Variants in FBXL7 observed in about 807,000 individuals in gnomAD.
FBXL7 encodes the protein F-box and leucine rich repeat protein 7, also known as F-box/LRR-repeat protein 7.
FBXL7 carries 12 observed loss-of-function variants against 38.3 expected under a neutral mutation model. The ratio of observed to expected loss-of-function variants is 0.31; its 90% CI spans 0.20 to 0.51. The LOEUF (loss-of-function observed/expected upper bound fraction) is 0.51, where lower values mean the gene tolerates loss of function less well. FBXL7 is among the 20% of genes least tolerant of loss of function. The pLI is 0.98. For synonymous variants in FBXL7, 297 were observed against 300.9 expected (o/e 0.99, Z 0.13); for missense variants, 567 against 676.4 (o/e 0.84, Z 1.79).
At chr5:15,760,566 CTT>C (rs1472511817) in intron 2 of FBXL7, among the ~76,000 whole-genome samples, 2 of 152,048 alleles carry the variant, frequency 1.3e-5, no homozygotes, top group Non-Finnish European at 2.9e-5. Context: ...GAAATAAACT[CTT>C]TTTGACTTCT....
chr5:15,532,328 C>A (rs1259075724), intron 1 of FBXL7, among the ~76,000 whole-genome samples: 1 of 152,170 alleles, frequency 6.6e-6, no homozygotes, highest in Non-Finnish European at 1.5e-5. Flanking sequence ...AAAATTAATA[C>A]TTCCCAAATA....
At chr5:15,917,955 C>A (rs1741641053) in intron 2 of FBXL7, among the ~76,000 whole-genome samples, 1 of 152,060 alleles carries the variant, frequency 6.6e-6, no homozygotes, top group Non-Finnish European at 1.5e-5. Flanking sequence ...GTAAATATTA[C>A]AGGCCACATG....
intron 2 of FBXL7, among the ~76,000 whole-genome samples, chr5:15,635,731 A>T (rs2126547927): frequency 6.6e-6 from 1 of 152,254 alleles, no homozygotes; most frequent in South Asian, 2.1e-4. Context: ...CTAGGACATA[A>T]AAAGGATGTG....
chr5:15,713,255 C>T (rs1430482707), intron 2 of FBXL7, among the ~76,000 whole-genome samples: 6 of 152,134 alleles, frequency 3.9e-5, no homozygotes, highest in Non-Finnish European at 8.8e-5. Flanking sequence ...ACTCTTTATG[C>T]GACCATCAGA....
At position 15,824,860 on chromosome 5, in the gene FBXL7, C is replaced by A. The variant is rs114318561; in HGVS notation, c.128-103030C>A. ...ATCATAAACTTTCATAGCTTGAAGA[C>A]AGTTTTAAAATTGTCAGGCCAATCT... On this transcript the variant is annotated intron_variant, in intron 2 of 3. Coordinates refer to ENST00000504595, the MANE Select transcript of FBXL7 (RefSeq NM_012304.5). Among the ~76,000 whole-genome samples the A allele has an allele frequency of 1.7e-3, 258 of 152,258 alleles. 3 individuals carry two copies. Among genetic ancestry groups the A allele is most frequent in the African/African-American group, 6.0e-3 (248 of 41,568 alleles).
chr5:15,873,210 C>A (rs1740044385), intron 2 of FBXL7, among the ~76,000 whole-genome samples: 1 of 152,070 alleles, frequency 6.6e-6, no homozygotes, highest in African/African-American at 2.4e-5. Context: ...TTGTTTGAAA[C>A]CAATGAGAAC....
At chr5:15,579,879 C>T (rs559752099) in intron 1 of FBXL7, among the ~76,000 whole-genome samples, 31 of 152,288 alleles carry the variant, frequency 2.0e-4, no homozygotes, top group Non-Finnish European at 3.2e-4. Flanking sequence ...TGTCTCAGGG[C>T]AGCCAAGCTG....
intron 2 of FBXL7, among the ~76,000 whole-genome samples, chr5:15,668,400 G>A (rs1214832136): frequency 8.2e-6 from 1 of 121,614 alleles, no homozygotes; most frequent in East Asian, 2.8e-4. Flanking sequence ...GTGTGTGTGT[G>A]TGTGTGTGTT....
chr5:15,926,491 G>A (rs981518283), intron 2 of FBXL7, among the ~76,000 whole-genome samples: 4 of 149,292 alleles, frequency 2.7e-5, no homozygotes, highest in African/African-American at 9.8e-5. Flanking sequence ...ATATACATTG[G>A]ATATTATATA....
intron 2 of FBXL7, among the ~76,000 whole-genome samples, chr5:15,878,100 G>A (rs998676119): frequency 6.6e-6 from 1 of 152,212 alleles, no homozygotes; most frequent in Admixed American, 6.5e-5. Context: ...GACAACGTGA[G>A]TGTGAAAAGG....
At chr5:15,523,349 G>A (rs950862071) in intron 1 of FBXL7, among the ~76,000 whole-genome samples, 12 of 152,170 alleles carry the variant, frequency 7.9e-5, no homozygotes, top group Admixed American at 5.9e-4. Flanking sequence ...ACGAGGTCAG[G>A]AGATCGAGAC....
At chr5:15,721,535 C>A (rs1236742297) in intron 2 of FBXL7, among the ~76,000 whole-genome samples, 2 of 152,100 alleles carry the variant, frequency 1.3e-5, no homozygotes, top group African/African-American at 4.8e-5. Context: ...TCCCTCCCTC[C>A]CTTCCCCTTT....
At chr5:15,570,848 T>G (rs969215086) in intron 1 of FBXL7, among the ~76,000 whole-genome samples, 2 of 152,108 alleles carry the variant, frequency 1.3e-5, no homozygotes, top group African/African-American at 2.4e-5. Context: ...ATCCCAGCAC[T>G]TTGGGAGGCC....
At chr5:15,716,145 T>C (rs1223411798) in intron 2 of FBXL7, among the ~76,000 whole-genome samples, 4 of 152,326 alleles carry the variant, frequency 2.6e-5, no homozygotes, top group Non-Finnish European at 4.4e-5. Context: ...ACGATGTTTT[T>C]GTGTACAGCT....
intron 1 of FBXL7, among the ~76,000 whole-genome samples, chr5:15,594,086 T>C (rs1202344274): frequency 1.3e-5 from 2 of 152,244 alleles, no homozygotes; most frequent in Non-Finnish European, 2.9e-5. Context: ...ATGTTCTATA[T>C]ACATTAGACA....
chr5:15,558,568 T>C (rs911895544), intron 1 of FBXL7, among the ~76,000 whole-genome samples: 4 of 152,238 alleles, frequency 2.6e-5, no homozygotes, highest in African/African-American at 9.6e-5. Flanking sequence ...ACTTTGGAAA[T>C]AGGCAGTTCT....
At chr5:15,745,982 G>A (rs906961198) in intron 2 of FBXL7, among the ~76,000 whole-genome samples, 11 of 152,194 alleles carry the variant, frequency 7.2e-5, no homozygotes, top group Admixed American at 3.3e-4. Context: ...CCAAATGAGA[G>A]AGGATGGATA....
intron 1 of FBXL7, among the ~76,000 whole-genome samples, chr5:15,581,943 G>T (rs1739155816): frequency 6.6e-6 from 1 of 152,034 alleles, no homozygotes; most frequent in South Asian, 2.1e-4. Flanking sequence ...CCAGATAGAT[G>T]ATTTCTTTTT....
intron 1 of FBXL7, among the ~76,000 whole-genome samples, chr5:15,544,763 C>G (rs987632121): frequency 2.6e-5 from 4 of 152,118 alleles, no homozygotes; most frequent in African/African-American, 9.7e-5. Context: ...CATTGTGGCC[C>G]TTATTGTTTG....
Sources: gnomAD v4.1 joint callset for allele counts (sites outside exome capture counted in the v4.1 genomes callset) on GRCh38, gnomAD v4.1.1 for gene constraint, MANE v1.5 for transcripts, NCBI Gene and HGNC (gene_info 2026-07-23, HGNC 2026-07-21) for gene names.